CLDN16: variants seen among roughly 807,000 people sequenced by gnomAD.
CLDN16 encodes claudin-16.
CLDN16 carries 13 observed loss-of-function variants against 24.6 expected under a neutral mutation model. The ratio of observed to expected loss-of-function variants is 0.53; its 90% confidence interval spans 0.34 to 0.84. CLDN16 has a LOEUF of 0.84. Among genes scored for constraint, CLDN16 ranks in the 40% least tolerant of loss-of-function variants. CLDN16 has a pLI of 0.01. For missense variants in CLDN16, 298 were observed against 292.7 expected (o/e 1.02, Z -0.13); for synonymous variants, 116 against 106.7 (o/e 1.09, Z -0.54).
intron 1 of CLDN16, among the ~76,000 whole-genome samples, chr3:190,349,639 G>A (rs545796196): frequency 6.6e-6 from 1 of 152,260 alleles, no homozygotes; most frequent in African/African-American, 2.4e-5. Flanking sequence ...GACTTGCATA[G>A]TTTGACCCTG....
chr3:190,333,523 CAGTCT>C (rs773985073), intron 1 of CLDN16, among the ~76,000 whole-genome samples: 18 of 147,458 alleles, frequency 1.2e-4, no homozygotes, highest in African/African-American at 4.2e-4. Context: ...AAACAATTAT[CAGTCT>C]ATCATCTATC....
upstream of CLDN16, among the ~76,000 whole-genome samples, chr3:190,318,969 C>T (rs9835663): frequency 0.29 from 43,763 of 151,968 alleles, 6,599 homozygotes; most frequent in East Asian, 0.57. Context: ...ATTACAGAAT[C>T]TCAGGGTTCG....
intron 1 of CLDN16, among the ~76,000 whole-genome samples, chr3:190,334,067 G>T (rs1717244606): frequency 6.6e-6 from 1 of 152,130 alleles, no homozygotes. Flanking sequence ...AATCATTCAT[G>T]ATTTCTTCCA....
At chr3:190,354,542 G>C (rs1717728785) in intron 1 of CLDN16, among the ~76,000 whole-genome samples, 1 of 151,980 alleles carries the variant, frequency 6.6e-6, no homozygotes, top group African/African-American at 2.4e-5. Context: ...ATTGTATCCT[G>C]ATGCCTGGAC....
At chr3:190,407,754 T>A (rs977585162) in intron 3 of CLDN16, among the ~76,000 whole-genome samples, 3 of 152,184 alleles carry the variant, frequency 2.0e-5, no homozygotes, top group African/African-American at 7.2e-5. Flanking sequence ...ATTTTTTACT[T>A]CAATTATTTG....
At chr3:190,385,666 CTTTA>C (rs1022523234), upstream of CLDN16, among the ~76,000 whole-genome samples, 4 of 151,596 alleles carry the variant, frequency 2.6e-5, no homozygotes, top group South Asian at 6.2e-4. Context: ...ATTTTTTGGT[CTTTA>C]TTTCTTTCCA....
chr3:190,314,429 C>G, the CLDN16 span, among the ~76,000 whole-genome samples: 1 of 152,152 alleles, frequency 6.6e-6, no homozygotes, highest in Non-Finnish European at 1.5e-5. Context: ...GAGTCTTGCT[C>G]TGTTGCCCAG....
chr3:190,292,734 A>T, the CLDN16 span, among the ~76,000 whole-genome samples: 4 of 152,174 alleles, frequency 2.6e-5, no homozygotes, highest in Non-Finnish European at 5.9e-5. Flanking sequence ...AAGAGGCAAA[A>T]TGCCACCAGT....
upstream of CLDN16, among the ~76,000 whole-genome samples, chr3:190,387,060 C>G (rs1308616399): frequency 6.6e-6 from 1 of 152,104 alleles, no homozygotes; most frequent in Non-Finnish European, 1.5e-5. Flanking sequence ...CTTTCTTTCT[C>G]TCCCTCCCAA....
At chr3:190,369,072 A>G (rs577341981) in intron 1 of CLDN16, among the ~76,000 whole-genome samples, 40 of 151,948 alleles carry the variant, frequency 2.6e-4, no homozygotes, top group African/African-American at 9.4e-4. Flanking sequence ...CCTCCTTTCC[A>G]TTGTTCTGGG....
upstream of CLDN16, chr3:190,321,927 GAGC>G (rs1716932133): frequency 7.5e-7 from 1 of 1,326,398 alleles, no homozygotes; most frequent in Non-Finnish European, 1.1e-6. Context: ...GCCCATAAGG[GAGC>G]TGCAGGGGGA....
At chr3:190,312,633 T>G in the CLDN16 span, among the ~76,000 whole-genome samples, 2 of 151,202 alleles carry the variant, frequency 1.3e-5, no homozygotes, top group Non-Finnish European at 2.9e-5. Flanking sequence ...TGGAAGAGAC[T>G]GGTTCTAACA....
the CLDN16 span, chr3:190,312,855 G>A: frequency 1.2e-6 from 2 of 1,613,376 alleles, no homozygotes; most frequent in East Asian, 2.2e-5. Context: ...GTGAAAGGGG[G>A]GCACAGCCTC....
intron 1 of CLDN16, among the ~76,000 whole-genome samples, chr3:190,323,091 A>G (rs1716979543): frequency 6.6e-6 from 1 of 151,754 alleles, no homozygotes; most frequent in Non-Finnish European, 1.5e-5. Flanking sequence ...TTTCCACTAC[A>G]TATCAAGTTG....
chr3:190,329,650 G>A (rs1485649772), intron 1 of CLDN16, among the ~76,000 whole-genome samples: 7 of 152,184 alleles, frequency 4.6e-5, no homozygotes, highest in African/African-American at 1.7e-4. Context: ...GTGGGTATTA[G>A]ACATTAGTTT....
At position 190,397,126 on chromosome 3, in the gene CLDN16, C is replaced by G. The variant is rs144996407; in HGVS notation, c.115-5211C>G. Among the ~76,000 whole-genome samples, 195 of 152,250 alleles carry G rather than the reference C, an allele frequency of 1.3e-3. 1 individual carries two copies. Among genetic ancestry groups the G allele is most frequent in the African/African-American group, 4.4e-3 (182 of 41,548 alleles). On this transcript the variant is annotated intron_variant, in intron 1 of 4. Transcript: ENST00000264734. Reference sequence around the variant, plus strand: ...AAATCTGAACTGTTCTGTAAAATCTCTACACATTTTTGGCAACTAATTAAG... The same window carrying G: ...AAATCTGAACTGTTCTGTAAAATCTGTACACATTTTTGGCAACTAATTAAG...
chr3:190,350,286 G>T (rs2108635203), intron 1 of CLDN16, among the ~76,000 whole-genome samples: 1 of 150,462 alleles, frequency 6.6e-6, no homozygotes, highest in East Asian at 1.9e-4. Flanking sequence ...GGTGTGAAAT[G>T]ATAAAGCTTT....
intron 1 of CLDN16, among the ~76,000 whole-genome samples, chr3:190,337,982 G>A (rs1717348236): frequency 6.6e-6 from 1 of 152,168 alleles, no homozygotes; most frequent in Admixed American, 6.5e-5. Context: ...GTACCATCTT[G>A]AAGATGATGC....
intron 1 of CLDN16, among the ~76,000 whole-genome samples, chr3:190,348,280 C>CAAAAAAAAAAAAAA (rs34092127): frequency 1.3e-5 from 1 of 76,984 alleles, no homozygotes; most frequent in Non-Finnish European, 2.2e-5. Flanking sequence ...AAGAATAAAT[C>CAAAAAAAAAAAAAA]AAAAAAAAAA....
Sources: gnomAD v4.1 joint callset for allele counts (sites outside exome capture counted in the v4.1 genomes callset) on GRCh38, gnomAD v4.1.1 for gene constraint, MANE v1.5 for transcripts, NCBI Gene and HGNC (gene_info 2026-07-23, HGNC 2026-07-21) for gene names.